The following BLACAT1 variants were observed in gnomAD, a reference collection of about 807,000 sequenced individuals.
BLACAT1 encodes BLACAT1 overlapping LEMD1 locus.
chr1:205,454,168 G>A (rs563663895), intron 1 of BLACAT1, among the ~76,000 whole-genome samples: 7 of 152,306 alleles, frequency 4.6e-5, no homozygotes, highest in African/African-American at 1.7e-4. Flanking sequence ...ACCGTGCTAG[G>A]CACCAGGAGA....
intron 1 of BLACAT1, among the ~76,000 whole-genome samples, chr1:205,442,071 G>A (rs1450679137): frequency 6.6e-6 from 1 of 152,180 alleles, no homozygotes; most frequent in East Asian, 1.9e-4. Context: ...CTGCCCCTGG[G>A]CCTATGGAAA....
intron 1 of BLACAT1, among the ~76,000 whole-genome samples, chr1:205,446,166 A>G (rs1666384511): frequency 6.6e-6 from 1 of 152,254 alleles, no homozygotes; most frequent in Non-Finnish European, 1.5e-5. Flanking sequence ...TATTCAATGC[A>G]ATTGAACAAT....
rs775580483 is a variant in BLACAT1, at chr1:205,441,672, A to C, written c.-36-610T>G. Among the ~76,000 whole-genome samples, 1 of 152,204 alleles carries C rather than the reference A, an allele frequency of 6.6e-6. No individual in the cohort carries two copies. Among genetic ancestry groups the C allele is most frequent in the Non-Finnish European group, 1.5e-5 (1 of 68,034 alleles). On this transcript the variant is annotated intron_variant, in intron 1 of 1. Transcript: ENST00000629624. The surrounding 1 kb of genome is among the most constrained non-coding windows in gnomAD (Gnocchi z 4.3). The stretch of plus-strand genomic sequence containing the variant: ...TCCTTTGACTGCTCAGGGCAATGCA[A>C]ATCCCATCCTCACCATGCAGAGAAG...
At chr1:205,454,880 G>A (rs548700114) in intron 1 of BLACAT1, among the ~76,000 whole-genome samples, 4 of 151,806 alleles carry the variant, frequency 2.6e-5, no homozygotes, top group African/African-American at 4.8e-5. Context: ...AAAAAAAATC[G>A]TCAGGAAAGA....
chr1:205,438,992 C>T (rs1401382507), downstream of BLACAT1, among the ~76,000 whole-genome samples: 8 of 152,232 alleles, frequency 5.3e-5, no homozygotes. Flanking sequence ...GTGGTCAGGA[C>T]ATAACACCCA....
chr1:205,449,408 T>C (rs921238733), intron 1 of BLACAT1, among the ~76,000 whole-genome samples: 1 of 151,706 alleles, frequency 6.6e-6, no homozygotes, highest in Non-Finnish European at 1.5e-5. Flanking sequence ...AAGAAGATGG[T>C]AAGAGGCCCC....
Position 205,441,938 on chromosome 1 carries a change from A to G in BLACAT1, c.-36-876T>C, listed in dbSNP as rs774603440. Among the ~76,000 whole-genome samples, 6 of 152,174 alleles carry G rather than the reference A, an allele frequency of 3.9e-5. No homozygotes were observed. The highest frequency in any genetic ancestry group is 7.4e-5 in the Non-Finnish European group (5 of 68,024). On this transcript the variant is annotated intron_variant, in intron 1 of 1. Transcript: ENST00000629624. This position sits in a 1 kb window ranked among gnomAD's most constrained non-coding sequence, Gnocchi z 4.3. ...GTATCTGTTGCAGTCTGGCTGGGGA[A>G]GAGAGGGAGCTTCAGGAGCTCAGCT...
intron 1 of BLACAT1, among the ~76,000 whole-genome samples, 192 bp downstream of exon 1, chr1:205,455,725 A>C (rs941719077): frequency 6.6e-6 from 1 of 152,126 alleles, no homozygotes; most frequent in South Asian, 2.1e-4. Context: ...CGGCTGACGC[A>C]GCCCGCCGCC....
At chr1:205,440,389 A>T (rs1396497190) in exon 2 of BLACAT1, among the ~76,000 whole-genome samples, 1 of 152,140 alleles carries the variant, frequency 6.6e-6, no homozygotes, top group Non-Finnish European at 1.5e-5. Context: ...GCCCAGGAGG[A>T]TGCTGGCAGG....
chr1:205,442,536 T>C (rs1051153930), intron 1 of BLACAT1, among the ~76,000 whole-genome samples: 1 of 152,190 alleles, frequency 6.6e-6, no homozygotes, highest in African/African-American at 2.4e-5. Flanking sequence ...ATCCAAGTCC[T>C]GTCAAGATTC....
intron 1 of BLACAT1, among the ~76,000 whole-genome samples, chr1:205,445,078 G>T (rs1020320090): frequency 6.6e-6 from 1 of 152,202 alleles, no homozygotes; most frequent in African/African-American, 2.4e-5. Flanking sequence ...GGAAGCAGCT[G>T]CGGCTTAGGA....
chr1:205,449,709 A>G (rs1238580366), intron 1 of BLACAT1, among the ~76,000 whole-genome samples: 1 of 151,634 alleles, frequency 6.6e-6, no homozygotes, highest in African/African-American at 2.4e-5. Flanking sequence ...CATCTGCCCC[A>G]GCCCCAACCC....
At chr1:205,444,864 C>A (rs978194233) in intron 1 of BLACAT1, among the ~76,000 whole-genome samples, 1 of 152,030 alleles carries the variant, frequency 6.6e-6, no homozygotes, top group African/African-American at 2.4e-5. Context: ...GCACTCTCAG[C>A]AAGGCAACCC....
At chr1:205,454,250 G>A (rs1177747393) in intron 1 of BLACAT1, among the ~76,000 whole-genome samples, 2 of 152,226 alleles carry the variant, frequency 1.3e-5, no homozygotes, top group Non-Finnish European at 2.9e-5. Context: ...GCAATTCAGA[G>A]CAGTCACGTC....
intron 1 of BLACAT1, among the ~76,000 whole-genome samples, chr1:205,445,757 G>A (rs912416921): frequency 2.6e-5 from 4 of 152,330 alleles, no homozygotes; most frequent in South Asian, 4.1e-4. Context: ...AGTGGGCAAC[G>A]TGACAGGCAG....
At position 205,450,897 on chromosome 1, in the gene BLACAT1, C is replaced by G. The variant is rs369367360; in HGVS notation, c.-37+5020G>C. 2.6e-5 allele frequency among the ~76,000 whole-genome samples: 4 copies of G among 152,152 alleles called. No individual in the cohort carries two copies. The highest frequency in any genetic ancestry group is 4.4e-5 in the Non-Finnish European group (3 of 68,030). ...CCTCACCTCCTTTCCCGAGGAAAAC[C>G]CTGCTTCCTCCAATCCCGAGAACCT... is the stretch of plus-strand genomic sequence containing the variant. On this transcript the variant is annotated intron_variant, in intron 1 of 1. Transcript: ENST00000629624. This position sits in a 1 kb window ranked among gnomAD's most constrained non-coding sequence, Gnocchi z 4.4.
downstream of BLACAT1, chr1:205,435,218 G>C (rs1236029175): frequency 6.6e-6 from 1 of 152,210 alleles, no homozygotes; most frequent in Non-Finnish European, 1.5e-5. Context: ...CCCAGGTGCT[G>C]GGTTCAAATC....
At chr1:205,435,355 CAG>C (rs1378283109), downstream of BLACAT1, 2 of 152,162 alleles carry the variant, frequency 1.3e-5, 1 homozygote, top group Admixed American at 1.3e-4. Flanking sequence ...AGGGAACAGA[CAG>C]AGAAAGAACA....
At chr1:205,451,446 C>A (rs1666496527) in intron 1 of BLACAT1, among the ~76,000 whole-genome samples, 1 of 152,174 alleles carries the variant, frequency 6.6e-6, no homozygotes, top group South Asian at 2.1e-4. Context: ...CCTCATGACT[C>A]CACACATTCT....
Sources: allele counts gnomAD v4.1 joint callset (sites outside exome capture counted in the v4.1 genomes callset), GRCh38; gene constraint gnomAD v4.1.1; non-coding constraint Gnocchi (gnomAD v3.1); transcripts MANE v1.5; gene names NCBI Gene and HGNC (gene_info 2026-07-23, HGNC 2026-07-21).